CPNE4: variants seen among roughly 807,000 people sequenced by gnomAD.
CPNE4 encodes copine-4.
CPNE4 carries 25 observed loss-of-function variants against 67.9 expected under a neutral mutation model. The observed-to-expected ratio is 0.37, with a 90% CI of 0.27 to 0.51. CPNE4 has a LOEUF of 0.51. Ranked by LOEUF, CPNE4 falls within the 20% of genes least tolerant of loss-of-function variation. The probability of loss-of-function intolerance (pLI) is 0.93; values close to 1 mark genes in which losing one functional copy is unlikely to be tolerated. For synonymous variants in CPNE4, 242 were observed against 244.9 expected, an observed-to-expected ratio of 0.99 and a Z score of 0.11; for missense variants, 464 against 690.8, an observed-to-expected ratio of 0.67 and a Z score of 3.68.
intron 1 of CPNE4, among the ~76,000 whole-genome samples, chr3:131,978,773 G>T (rs1219223508): frequency 6.6e-6 from 1 of 150,622 alleles, no homozygotes; most frequent in East Asian, 2.0e-4. Context: ...GCCCCTTGAG[G>T]TATGACCTTA....
At chr3:131,593,224 A>G (rs57350173) in intron 7 of CPNE4, among the ~76,000 whole-genome samples, 19,015 of 152,246 alleles carry the variant, frequency 0.12, 1,555 homozygotes, top group African/African-American at 0.23. Context: ...TTTAATGGAG[A>G]TAACTTCAAA....
At chr3:131,859,552 A>G (rs756188279) in intron 2 of CPNE4, among the ~76,000 whole-genome samples, 1 of 152,156 alleles carries the variant, frequency 6.6e-6, no homozygotes, top group Non-Finnish European at 1.5e-5. Flanking sequence ...AGGGCTAAAT[A>G]TTCCAACACC....
intron 6 of CPNE4, among the ~76,000 whole-genome samples, chr3:131,672,400 C>T (rs1560089964): frequency 1.3e-5 from 2 of 152,056 alleles, no homozygotes; most frequent in African/African-American, 4.8e-5. Flanking sequence ...TTTGAGGAAC[C>T]TCCAAACTAT....
chr3:131,668,137 A>G (rs1259125197), intron 7 of CPNE4, among the ~76,000 whole-genome samples: 2 of 152,218 alleles, frequency 1.3e-5, no homozygotes, highest in Non-Finnish European at 2.9e-5. Flanking sequence ...CCTCAAGAAC[A>G]TGGAAGTGAA....
intron 1 of CPNE4, among the ~76,000 whole-genome samples, chr3:131,984,825 C>T (rs1380089521): frequency 6.6e-6 from 1 of 152,188 alleles, no homozygotes; most frequent in African/African-American, 2.4e-5. Flanking sequence ...GGTCTATCTT[C>T]CACATTGGTT....
intron 7 of CPNE4, among the ~76,000 whole-genome samples, chr3:131,624,717 G>T (rs913958244): frequency 6.6e-6 from 1 of 152,060 alleles, no homozygotes; most frequent in African/African-American, 2.4e-5. Flanking sequence ...TTTTTCAGGA[G>T]GCAAACATTG....
chr3:131,655,906 C>G (rs1429949083), intron 7 of CPNE4, among the ~76,000 whole-genome samples: 1 of 152,126 alleles, frequency 6.6e-6, no homozygotes. Context: ...AAGTACTAAA[C>G]CATAAAATAC....
intron 2 of CPNE4, among the ~76,000 whole-genome samples, chr3:131,837,264 A>G (rs1355670496): frequency 1.3e-5 from 2 of 152,174 alleles, no homozygotes; most frequent in African/African-American, 2.4e-5. Flanking sequence ...AAACCTGTAC[A>G]TAAATGTTCA....
intron 2 of CPNE4, among the ~76,000 whole-genome samples, chr3:131,760,765 A>G (rs1221212395): frequency 6.6e-6 from 1 of 152,174 alleles, no homozygotes; most frequent in African/African-American, 2.4e-5. Context: ...AATACGTGAC[A>G]CTTTTTCTTT....
intron 2 of CPNE4, among the ~76,000 whole-genome samples, chr3:131,737,548 C>A (rs1433333949): frequency 6.6e-6 from 1 of 152,116 alleles, no homozygotes; most frequent in Non-Finnish European, 1.5e-5. Flanking sequence ...TTAAAATGAT[C>A]AAGTGATTGA....
intron 2 of CPNE4, among the ~76,000 whole-genome samples, chr3:131,882,240 T>C (rs1402578575): frequency 1.3e-5 from 2 of 152,098 alleles, no homozygotes; most frequent in Non-Finnish European, 2.9e-5. Flanking sequence ...TAGTATTTTA[T>C]ATGTGTCATA....
intron 2 of CPNE4, among the ~76,000 whole-genome samples, chr3:131,789,207 G>A (rs893005145): frequency 6.6e-6 from 1 of 152,078 alleles, no homozygotes; most frequent in Non-Finnish European, 1.5e-5. Flanking sequence ...TTCTGGAGAC[G>A]TACACATTGC....
At chr3:131,740,215 G>A (rs576006836) in intron 2 of CPNE4, among the ~76,000 whole-genome samples, 25 of 152,288 alleles carry the variant, frequency 1.6e-4, no homozygotes, top group African/African-American at 4.8e-4. Context: ...TCTCAGGCAG[G>A]AACTCCTCAT....
intron 6 of CPNE4, among the ~76,000 whole-genome samples, chr3:131,672,169 T>C (rs568493596): frequency 6.6e-6 from 1 of 152,328 alleles, no homozygotes; most frequent in East Asian, 1.9e-4. Context: ...TTGTACTTTT[T>C]AGAGTACGGA....
chr3:131,704,509 T>C (rs899031697), intron 3 of CPNE4, among the ~76,000 whole-genome samples: 1 of 152,224 alleles, frequency 6.6e-6, no homozygotes, highest in African/African-American at 2.4e-5. Context: ...ATGCACCCTT[T>C]ATTTTATTGG....
intron 10 of CPNE4, among the ~76,000 whole-genome samples, chr3:131,572,506 T>C (rs931641464): frequency 2.0e-5 from 3 of 152,018 alleles, no homozygotes; most frequent in African/African-American, 4.8e-5. Context: ...TGGCTGCCTC[T>C]CGTTGGTCAA....
At chr3:131,970,262 C>T (rs112322633) in intron 1 of CPNE4, among the ~76,000 whole-genome samples, 1 of 152,286 alleles carries the variant, frequency 6.6e-6, no homozygotes, top group East Asian at 1.9e-4. Context: ...ACACACCAAC[C>T]CCCACACAGA....
At chr3:131,957,054 G>A (rs1174127573) in intron 1 of CPNE4, among the ~76,000 whole-genome samples, 1 of 152,172 alleles carries the variant, frequency 6.6e-6, no homozygotes, top group African/African-American at 2.4e-5. Context: ...TCTTGCATGT[G>A]AGGCAACCTC....
chr3:131,852,205 G>C (rs1297213839), intron 2 of CPNE4, among the ~76,000 whole-genome samples: 1 of 151,948 alleles, frequency 6.6e-6, no homozygotes, highest in Non-Finnish European at 1.5e-5. Context: ...ATCAGAAATA[G>C]ATTTCCTACC....
Sources: allele counts gnomAD v4.1 joint callset (sites outside exome capture counted in the v4.1 genomes callset), GRCh38; gene constraint gnomAD v4.1.1; transcripts MANE v1.5; gene names NCBI Gene and HGNC (gene_info 2026-07-23, HGNC 2026-07-21).